TRIQK: variants seen among roughly 807,000 people sequenced by gnomAD.
TRIQK encodes the protein triple QxxK/R motif containing.
A neutral mutation model predicts 10.8 loss-of-function variants in TRIQK; 10 were observed. That is an observed-to-expected ratio of 0.92 (90% CI 0.57 to 1.57). TRIQK has a LOEUF of 1.57. TRIQK is among the 40% of genes most tolerant of loss of function. The pLI is 0.00. For missense variants in TRIQK, 107 were observed against 97.7 expected, an observed-to-expected ratio of 1.09 and a Z score of -0.40; for synonymous variants, 33 against 33.7, an observed-to-expected ratio of 0.98 and a Z score of 0.07.
intron 1 of TRIQK, among the ~76,000 whole-genome samples, chr8:92,995,664 T>A (rs571867633): frequency 3.5e-4 from 54 of 152,234 alleles, no homozygotes; most frequent in Middle Eastern, 3.4e-3. Context: ...AATAATTTTT[T>A]AATTCAAAAA....
At chr8:92,940,643 T>C (rs1475752233) in intron 2 of TRIQK, among the ~76,000 whole-genome samples, 24 of 152,122 alleles carry the variant, frequency 1.6e-4, no homozygotes, top group Admixed American at 1.6e-3. Context: ...TATTAGTAGA[T>C]ATAAAGAGAG....
At chr8:92,929,263 A>G (rs1344713417) in intron 2 of TRIQK, among the ~76,000 whole-genome samples, 1 of 152,170 alleles carries the variant, frequency 6.6e-6, no homozygotes, top group East Asian at 1.9e-4. Context: ...CGTTAGACAG[A>G]TGGTAATGTC....
intron 3 of TRIQK, among the ~76,000 whole-genome samples, chr8:92,915,247 T>A (rs1216877496): frequency 6.6e-6 from 1 of 152,100 alleles, no homozygotes; most frequent in Non-Finnish European, 1.5e-5. Flanking sequence ...GGGTATAAAG[T>A]TGCAATTATG....
chr8:92,989,877 C>A (rs375301015), intron 1 of TRIQK, among the ~76,000 whole-genome samples: 2 of 151,280 alleles, frequency 1.3e-5, no homozygotes, highest in African/African-American at 4.9e-5. Flanking sequence ...CATTTGACTA[C>A]GTAAAAGATT....
At chr8:92,969,249 G>A (rs1307961527), upstream of TRIQK, among the ~76,000 whole-genome samples, 1 of 151,984 alleles carries the variant, frequency 6.6e-6, no homozygotes. Flanking sequence ...TGTTCTTTTT[G>A]CTTAGGATTT....
At chr8:92,996,794 G>A (rs888300080) in intron 1 of TRIQK, among the ~76,000 whole-genome samples, 1 of 151,940 alleles carries the variant, frequency 6.6e-6, no homozygotes, top group Non-Finnish European at 1.5e-5. Flanking sequence ...AGGAGTCTTT[G>A]TAAGTGTGTA....
rs1402617483 is a variant in TRIQK, at chr8:92,920,949, G to C, written c.-21-3939C>G. Among the ~76,000 whole-genome samples, 5 of 151,578 alleles carry C rather than the reference G, an allele frequency of 3.3e-5. No individual in the cohort carries two copies. In the South Asian group the frequency reaches 1.0e-3, roughly 32 times the overall value. ...GAAAGGAATAACCATCCAGAGGGGAGAGCCATGAAGAATGGACAAAAAGAC... is the reference window on the plus strand; with the variant it reads ...GAAAGGAATAACCATCCAGAGGGGACAGCCATGAAGAATGGACAAAAAGAC... On this transcript the variant is annotated intron_variant, in intron 2 of 4. Transcript: ENST00000521988.
intron 2 of TRIQK, among the ~76,000 whole-genome samples, chr8:92,951,876 T>G (rs1811930427): frequency 1.3e-5 from 2 of 152,016 alleles, no homozygotes; most frequent in Non-Finnish European, 2.9e-5. Flanking sequence ...CTGTCTTCAC[T>G]AAAGGAGGGG....
intron 1 of TRIQK, chr8:92,963,381 G>A (rs1812553691): frequency 6.6e-6 from 1 of 150,616 alleles, no homozygotes. Context: ...TATGAATATA[G>A]AAATCAGGAA....
intron 2 of TRIQK, among the ~76,000 whole-genome samples, chr8:92,936,791 A>G (rs1051262550): frequency 2.2e-4 from 33 of 151,792 alleles, no homozygotes; most frequent in African/African-American, 7.5e-4. Flanking sequence ...AATTATTTGT[A>G]AGAGCTCAGC....
chr8:92,940,534 G>A (rs1332347963), intron 2 of TRIQK, among the ~76,000 whole-genome samples: 4 of 152,056 alleles, frequency 2.6e-5, no homozygotes, highest in South Asian at 4.2e-4. Flanking sequence ...GACAAAGAAG[G>A]TCATTATATA....
chr8:92,910,176 A>C (rs1809496984), intron 3 of TRIQK, among the ~76,000 whole-genome samples: 1 of 151,466 alleles, frequency 6.6e-6, no homozygotes, highest in Non-Finnish European at 1.5e-5. Flanking sequence ...TTCTGTCTTC[A>C]AGACTATTTA....
intron 1 of TRIQK, among the ~76,000 whole-genome samples, chr8:92,999,614 G>C (rs1001765181): frequency 5.9e-5 from 9 of 152,162 alleles, no homozygotes; most frequent in African/African-American, 2.2e-4. Context: ...CCAATTTGTG[G>C]ACTTCGTTAA....
intron 2 of TRIQK, among the ~76,000 whole-genome samples, chr8:92,936,078 A>G (rs1334356835): frequency 1.3e-5 from 2 of 151,654 alleles, no homozygotes; most frequent in Non-Finnish European, 3.0e-5. Context: ...ATATTAAACT[A>G]TTTTGAAGCC....
intron 3 of TRIQK, among the ~76,000 whole-genome samples, chr8:92,901,403 C>T (rs950375754): frequency 1.3e-5 from 2 of 152,046 alleles, no homozygotes; most frequent in African/African-American, 2.4e-5. Context: ...GCTTTTATTA[C>T]GTTGAGGTAT....
chr8:92,947,817 T>C (rs151024779), intron 2 of TRIQK, among the ~76,000 whole-genome samples: 187 of 152,240 alleles, frequency 1.2e-3, no homozygotes, highest in Non-Finnish European at 2.5e-3. Context: ...GTTATACTGG[T>C]TGCATCTAAC....
chr8:92,959,673 G>A (rs1812352953), intron 1 of TRIQK, among the ~76,000 whole-genome samples: 1 of 151,954 alleles, frequency 6.6e-6, no homozygotes, highest in Non-Finnish European at 1.5e-5. Context: ...AATCGAAAAT[G>A]CATTTAATAC....
Position 92,946,274 on chromosome 8 carries a change from C to G in TRIQK, c.-22+8132G>C, listed in dbSNP as rs74461325. Among the ~76,000 whole-genome samples, 194 of 152,206 alleles carry G rather than the reference C, an allele frequency of 1.3e-3. 5 individuals are homozygous for G. In the East Asian group the frequency reaches 0.026, roughly 21 times the overall value. On this transcript the variant is annotated intron_variant, in intron 2 of 4. Coordinates refer to ENST00000521988, the MANE Select transcript of TRIQK (RefSeq NM_001171797.2). ...TTTTCACATTTTGAAGATCTCCCCC[C>G]CTAAATATGGAAAGAAAAACAAGCC... is the stretch of plus-strand genomic sequence containing the variant.
intron 1 of TRIQK, among the ~76,000 whole-genome samples, chr8:92,976,538 T>C (rs186602902): frequency 5.3e-5 from 8 of 152,116 alleles, no homozygotes; most frequent in Admixed American, 5.2e-4. Flanking sequence ...TCAAGTGTTC[T>C]CTTTTTTGTA....
Sources: allele counts gnomAD v4.1 joint callset (sites outside exome capture counted in the v4.1 genomes callset), GRCh38; gene constraint gnomAD v4.1.1; transcripts MANE v1.5; gene names NCBI Gene and HGNC (gene_info 2026-07-23, HGNC 2026-07-21).